Variants in TNNT3 observed in about 807,000 individuals in gnomAD.
TNNT3 encodes troponin T, fast skeletal muscle.
Under a neutral mutation model 54.2 loss-of-function variants are expected in TNNT3, and 36 were observed. The ratio of observed to expected loss-of-function variants is 0.66; its 90% confidence interval spans 0.51 to 0.88. The LOEUF is 0.88. Ranked by LOEUF, TNNT3 falls within the 40% of genes least tolerant of loss-of-function variation. The pLI is 0.00. For missense variants in TNNT3, 291 were observed against 331.6 expected (o/e 0.88, Z 0.95); for synonymous variants, 120 against 109.7 (o/e 1.09, Z -0.59).
intron 4 of TNNT3, among the ~76,000 whole-genome samples, chr11:1,924,259 G>C (rs1438811662): frequency 2.0e-5 from 3 of 152,102 alleles, no homozygotes; most frequent in Non-Finnish European, 4.4e-5. Flanking sequence ...GGAGCCTGGA[G>C]CCCCCTCCCT....
chr11:1,931,174 A>G (rs1406234743), intron 8 of TNNT3, among the ~76,000 whole-genome samples: 1 of 152,212 alleles, frequency 6.6e-6, no homozygotes. Context: ...TCAATTGGAC[A>G]AACCATAATT....
chr11:1,937,417 A>G (rs1203536151), intron 15 of TNNT3, among the ~76,000 whole-genome samples: 1 of 152,138 alleles, frequency 6.6e-6, no homozygotes, highest in African/African-American at 2.4e-5. Context: ...GGAATTAAGC[A>G]GTCAGGGCTT....
Position 1,922,843 on chromosome 11 carries a change from ATCTC to A in TNNT3, c.-18-8_-18-5del. 2 of 1,607,754 alleles carry A rather than the reference ATCTC, an allele frequency of 1.2e-6. No individual in the cohort carries two copies. The highest frequency in any genetic ancestry group is 1.7e-6 in the Non-Finnish European group (2 of 1,177,542). On this transcript the variant is annotated splice_polypyrimidine_tract_variant and intron_variant, in intron 1 of 15. Coordinates refer to ENST00000278317, the MANE Select transcript of TNNT3 (RefSeq NM_006757.4). ...ATCCTCTCTCTCTCTCTCTCTCTGA[ATCTC>A]TCTCTGCAGAAACCACCCACCTTCA...
chr11:1,929,728 G>C, intron 7 of TNNT3, 82 bp from the exon 8 acceptor site: 1 of 1,501,216 alleles, frequency 6.7e-7, no homozygotes, highest in South Asian at 1.2e-5. Flanking sequence ...AGGGCCGCAG[G>C]CCGCCCAGTC....
intron 5 of TNNT3, 107 bp downstream of exon 5, chr11:1,925,223 T>G: frequency 6.2e-7 from 1 of 1,605,450 alleles, no homozygotes; most frequent in Non-Finnish European, 8.5e-7. Flanking sequence ...TGCCCCTGTC[T>G]AACCCTCTCC....
At chr11:1,925,840 G>A (rs572283114) in intron 5 of TNNT3, among the ~76,000 whole-genome samples, 106 of 152,300 alleles carry the variant, frequency 7.0e-4, no homozygotes, top group African/African-American at 2.5e-3. Context: ...GCAGATGGGA[G>A]GGCTGGGGTC....
intron 4 of TNNT3, among the ~76,000 whole-genome samples, chr11:1,924,483 A>G (rs1850958054): frequency 6.6e-6 from 1 of 152,334 alleles, no homozygotes; most frequent in Admixed American, 6.5e-5. Context: ...TTTTGAAAAT[A>G]TTTTGAAAAC....
chr11:1,933,160 C>A (rs1368461805), intron 9 of TNNT3, among the ~76,000 whole-genome samples: 1 of 137,354 alleles, frequency 7.3e-6, no homozygotes, highest in African/African-American at 2.7e-5. Context: ...TCCCATCCAC[C>A]CACCCACCCA....
chr11:1,925,317 G>A, intron 5 of TNNT3: 3 of 1,564,192 alleles, frequency 1.9e-6, no homozygotes, highest in Non-Finnish European at 2.6e-6. Context: ...GTGGGGCCCG[G>A]GGCCTGGCTG....
intron 13 of TNNT3, 84 bp downstream of exon 13, chr11:1,934,739 G>A (rs568923582): frequency 1.1e-4 from 182 of 1,592,858 alleles, no homozygotes; most frequent in Middle Eastern, 8.4e-4. Flanking sequence ...GCCAAGGACC[G>A]TGCTCCCCAG....
chr11:1,920,779 C>T (rs1466138710), intron 1 of TNNT3, among the ~76,000 whole-genome samples: 2 of 152,172 alleles, frequency 1.3e-5, no homozygotes, highest in Non-Finnish European at 2.9e-5. Context: ...ACCTGCTTTG[C>T]GTCTCAGCTG....
chr11:1,933,888 G>T, intron 10 of TNNT3, 43 bp from the exon 11 acceptor site: 2 of 1,611,900 alleles, frequency 1.2e-6, no homozygotes, highest in South Asian at 1.1e-5. Flanking sequence ...TCCCTCGGAG[G>T]AGCCGGGGAC....
chr11:1,934,505 T>A, intron 12 of TNNT3, 41 bp from the exon 13 acceptor site: 2 of 1,607,504 alleles, frequency 1.2e-6, no homozygotes, highest in Non-Finnish European at 1.7e-6. Flanking sequence ...CCCTGTGCCC[T>A]CCTGAGACCA....
In TNNT3 at chr11:1,938,614, G is replaced by T. The variant is rs779728946; in HGVS notation, c.*122G>T. The T allele has an allele frequency of 9.3e-7, 1 of 1,072,462 alleles. No homozygotes were observed. The highest frequency in any genetic ancestry group is 1.4e-6 in the Non-Finnish European group (1 of 708,810). The allele number at this position is 1,072,462 out of a possible 1,614,324, so 66.4% of individuals were successfully genotyped here. ...TCAGGGGCTCCCTGACAGTCCTGGG[G>T]GTGGAGAGGCCATCCCGGGGCGTCC... On this transcript the variant is annotated 3_prime_UTR_variant, in exon 16 of 16. Transcript: ENST00000278317.
chr11:1,926,735 G>T, intron 6 of TNNT3, 26 bp downstream of exon 6: 1 of 1,613,126 alleles, frequency 6.2e-7, no homozygotes, highest in Non-Finnish European at 8.5e-7. Context: ...CCCGCCTCCA[G>T]GCCAGAGTCT....
chr11:1,934,471 T>C (rs1226496995), intron 12 of TNNT3, 26 bp downstream of exon 12: 1 of 1,610,976 alleles, frequency 6.2e-7, no homozygotes, highest in Admixed American at 1.7e-5. Context: ...GGGAGCACGG[T>C]GGTAGCCTTC....
intron 2 of TNNT3, 42 bp downstream of exon 2, chr11:1,922,933 C>T (rs762260730): frequency 1.9e-5 from 30 of 1,613,622 alleles, no homozygotes; most frequent in Non-Finnish European, 2.4e-5. Context: ...TGGCTCGGGA[C>T]CCTGGCCCCT....
Position 1,938,402 on chromosome 11 carries a change from C to A in TNNT3, c.723-36C>A, listed in dbSNP as rs1855775232. On this transcript the variant is annotated intron_variant, in intron 15 of 15. Coordinates refer to ENST00000278317, the MANE Select transcript of TNNT3 (RefSeq NM_006757.4). ...GACCAGGAGGGGCATGGCCAGAGGC[C>A]CTGACCCTGAAGGATCACTTGCTTC... is the stretch of plus-strand genomic sequence containing the variant. 6 of 1,611,356 alleles carry A rather than the reference C, an allele frequency of 3.7e-6. 1 individual carries two copies. Among genetic ancestry groups the A allele is most frequent in the Non-Finnish European group, 5.1e-6 (6 of 1,178,644 alleles).
chr11:1,925,033 C>T (rs757508923), intron 4 of TNNT3, 66 bp from the exon 5 acceptor site: 17 of 1,586,402 alleles, frequency 1.1e-5, no homozygotes, highest in Non-Finnish European at 1.4e-5. Context: ...ACACTCTGAT[C>T]ACTGTCTCTG....
Sources: allele counts gnomAD v4.1 joint callset (sites outside exome capture counted in the v4.1 genomes callset), GRCh38; gene constraint gnomAD v4.1.1; transcripts MANE v1.5; gene names NCBI Gene and HGNC (gene_info 2026-07-23, HGNC 2026-07-21).